CADM2: variants seen among roughly 807,000 people sequenced by gnomAD.
The protein encoded by CADM2 is immunoglobulin superfamily member 4D.
A neutral mutation model predicts 49.8 loss-of-function variants in CADM2; 12 were observed. The observed-to-expected ratio is 0.24, with a 90% CI of 0.15 to 0.39. The LOEUF (loss-of-function observed/expected upper bound fraction) is 0.39. CADM2 is among the 10% of genes least tolerant of loss of function. The pLI, the probability that CADM2 is intolerant of heterozygous loss-of-function variation, is 1.00. For missense variants in CADM2, 378 were observed against 492.3 expected (o/e 0.77, Z 2.20); for synonymous variants, 214 against 175.4 (o/e 1.22, Z -1.74).
At chr3:85,014,530 G>A (rs1391714665) in intron 1 of CADM2, among the ~76,000 whole-genome samples, 2 of 152,140 alleles carry the variant, frequency 1.3e-5, no homozygotes, top group African/African-American at 4.8e-5. Context: ...GCATCTCCTG[G>A]AGGGTTTGGA....
At chr3:85,429,338 G>A (rs1046355965) in intron 1 of CADM2, among the ~76,000 whole-genome samples, 1 of 152,160 alleles carries the variant, frequency 6.6e-6, no homozygotes, top group East Asian at 1.9e-4. Flanking sequence ...GAAAACAATT[G>A]CATTCTTACT....
chr3:85,849,034 C>G (rs1458381787), intron 3 of CADM2, among the ~76,000 whole-genome samples: 1 of 152,130 alleles, frequency 6.6e-6, no homozygotes, highest in African/African-American at 2.4e-5. Flanking sequence ...ATTCACATGG[C>G]CCAAAGAGAT....
chr3:85,724,001 A>G (rs569032504), intron 1 of CADM2, among the ~76,000 whole-genome samples: 1 of 152,088 alleles, frequency 6.6e-6, no homozygotes, highest in South Asian at 2.1e-4. Context: ...AGCATAATCT[A>G]AAAATAACTC....
intron 8 of CADM2, among the ~76,000 whole-genome samples, chr3:86,005,897 C>G (rs763824529): frequency 6.6e-6 from 1 of 152,088 alleles, no homozygotes; most frequent in Admixed American, 6.6e-5. Context: ...TGGTAGCCAT[C>G]CTTCTACTCT....
intron 1 of CADM2, among the ~76,000 whole-genome samples, chr3:85,255,714 C>G (rs1358832921): frequency 6.6e-6 from 1 of 151,976 alleles, no homozygotes; most frequent in Non-Finnish European, 1.5e-5. Context: ...CTGCCTGCAC[C>G]CATTACCGGA....
intron 1 of CADM2, among the ~76,000 whole-genome samples, chr3:85,429,827 G>C (rs1055862052): frequency 6.6e-6 from 1 of 152,090 alleles, no homozygotes; most frequent in Non-Finnish European, 1.5e-5. Flanking sequence ...GCAAAGAATG[G>C]CTTTTACATT....
At chr3:85,390,903 C>G (rs141975229) in intron 1 of CADM2, among the ~76,000 whole-genome samples, 1 of 151,996 alleles carries the variant, frequency 6.6e-6, no homozygotes, top group Non-Finnish European at 1.5e-5. Context: ...TTGCTATATC[C>G]CTGGGGCAGC....
intron 1 of CADM2, among the ~76,000 whole-genome samples, chr3:85,158,454 A>C (rs986197931): frequency 1.3e-5 from 2 of 152,214 alleles, no homozygotes; most frequent in Non-Finnish European, 2.9e-5. Context: ...ATGTCCAACA[A>C]TGATAGACTG....
At chr3:84,988,854 C>G (rs143818556) in intron 1 of CADM2, among the ~76,000 whole-genome samples, 252 of 152,206 alleles carry the variant, frequency 1.7e-3, no homozygotes, top group African/African-American at 5.6e-3. Flanking sequence ...ATAAAAGATA[C>G]AGCTAATCTC....
chr3:85,208,351 G>A (rs2041701271), intron 1 of CADM2, among the ~76,000 whole-genome samples: 1 of 152,124 alleles, frequency 6.6e-6, no homozygotes, highest in Admixed American at 6.5e-5. Context: ...TAGCAATAAA[G>A]GAAGGTGTAT....
chr3:85,783,742 T>A (rs938327948), intron 2 of CADM2, among the ~76,000 whole-genome samples: 2 of 152,100 alleles, frequency 1.3e-5, no homozygotes, highest in Non-Finnish European at 2.9e-5. Flanking sequence ...AACAGCAGAG[T>A]TTACTGGATT....
chr3:86,022,999 T>C (rs1051081745), intron 8 of CADM2, among the ~76,000 whole-genome samples: 2 of 152,050 alleles, frequency 1.3e-5, no homozygotes, highest in African/African-American at 2.4e-5. Flanking sequence ...AAATAAAATA[T>C]ATAGCAAAAA....
chr3:86,033,766 C>T (rs150572510), intron 8 of CADM2, among the ~76,000 whole-genome samples: 4,427 of 144,602 alleles, frequency 0.031, 143 homozygotes, highest in African/African-American at 0.073. Context: ...TATATATATA[C>T]ACATTAATTA....
At chr3:85,204,033 C>T (rs1210220523) in intron 1 of CADM2, among the ~76,000 whole-genome samples, 5 of 152,004 alleles carry the variant, frequency 3.3e-5, no homozygotes, top group Non-Finnish European at 7.4e-5. Flanking sequence ...TTGGTTTTAT[C>T]GAAATAAAAA....
intron 1 of CADM2, among the ~76,000 whole-genome samples, chr3:85,715,904 A>G (rs369226552): frequency 5.3e-5 from 8 of 152,226 alleles, no homozygotes; most frequent in South Asian, 2.1e-4. Context: ...CCAGTCTAAC[A>G]TTCATGGGCA....
chr3:85,111,456 G>T (rs1237537237), intron 1 of CADM2, among the ~76,000 whole-genome samples: 1 of 151,802 alleles, frequency 6.6e-6, no homozygotes, highest in Admixed American at 6.6e-5. Flanking sequence ...GTATTTTGAT[G>T]AAAATATGTA....
At chr3:85,306,992 C>T (rs1467692243) in intron 1 of CADM2, among the ~76,000 whole-genome samples, 1 of 151,524 alleles carries the variant, frequency 6.6e-6, no homozygotes, top group Non-Finnish European at 1.5e-5. Context: ...CCCTTTATCC[C>T]CATAGAAACG....
intron 2 of CADM2, among the ~76,000 whole-genome samples, chr3:85,790,658 A>G (rs920711882): frequency 6.6e-6 from 1 of 152,156 alleles, no homozygotes; most frequent in Non-Finnish European, 1.5e-5. Context: ...CAATGGCCAT[A>G]GTGAACGCTA....
intron 1 of CADM2, among the ~76,000 whole-genome samples, chr3:85,701,896 GATAGATAGATAGATAT>G (rs1337156220): frequency 1.4e-4 from 17 of 124,954 alleles, no homozygotes; most frequent in African/African-American, 3.9e-4. Context: ...TAGATAGATA[GATAGATAGATAGATAT>G]AAAGAAAAAG....
Sources: allele counts gnomAD v4.1 joint callset (sites outside exome capture counted in the v4.1 genomes callset), GRCh38; gene constraint gnomAD v4.1.1; transcripts MANE v1.5; gene names NCBI Gene and HGNC (gene_info 2026-07-23, HGNC 2026-07-21).